The following DYNLT2 variants were observed in gnomAD, a reference collection of about 807,000 sequenced individuals.
The protein encoded by DYNLT2 is dynein light chain Tctex-type 2.
A neutral mutation model predicts 24.3 loss-of-function variants in DYNLT2; 24 were observed. That is an observed-to-expected ratio of 0.99 (90% CI 0.71 to 1.39). DYNLT2 has a LOEUF of 1.39. Ranked by LOEUF, DYNLT2 falls within the 40% of genes most tolerant of loss-of-function variation. DYNLT2 has a pLI of 0.00. For synonymous variants in DYNLT2, 85 were observed against 85.4 expected (o/e 1.00, Z 0.03); for missense variants, 246 against 234.5 (o/e 1.05, Z -0.32).
At position 169,751,450 on chromosome 6, in the gene DYNLT2, C is replaced by T. The variant is rs980655440; in HGVS notation, c.9G>A (p.Lys3=). 1.2e-6 allele frequency: 2 copies of T among 1,613,976 alleles called. No homozygotes were observed. The highest frequency in any genetic ancestry group is 2.7e-5 in the African/African-American group (2 of 75,074). The change falls in exon 1 of 4, where the codon AAG becomes AAA. Residue 3 remains lysine, a synonymous_variant. Coordinates refer to ENST00000366774, the MANE Select transcript of DYNLT2 (RefSeq NM_174910.3). ME[K]RGRGVKSSPI... ...GGCTCGACTTCACGCCTCGGCCTCG[C>T]TTCTCCATCTCGCTCTGTTCTCCAA...
the DYNLT2 span, among the ~76,000 whole-genome samples, chr6:169,732,606 A>T: frequency 6.6e-6 from 1 of 152,202 alleles, no homozygotes; most frequent in African/African-American, 2.4e-5. Context: ...CCTGCAAAGG[A>T]CATGATCTCA....
chr6:169,743,232 G>T lies in DYNLT2; in HGVS notation c.334C>A (p.Leu112Ile). ...TTATCATCATATTTGACATCTTTAA[G>T]ACTTTCCTTTAAGAAAATTTAAGAA... ...TKVQQILTESLKDVKYDDKVF... is the reference protein window; with the variant it reads ...TKVQQILTESIKDVKYDDKVF... Residue 112 changes from leucine to isoleucine, a missense_variant, in exon 3 of 4, where the codon CTT (leucine) becomes ATT (isoleucine). Coordinates refer to ENST00000366774, the MANE Select transcript of DYNLT2 (RefSeq NM_174910.3). The T allele has an allele frequency of 6.8e-7, 1 of 1,462,738 alleles. No homozygotes were observed. Among genetic ancestry groups the T allele is most frequent in the Non-Finnish European group, 9.1e-7 (1 of 1,096,114 alleles). 90.6% of individuals were successfully genotyped at this position (1,462,738 alleles called of 1,614,324 possible).
intron 3 of DYNLT2, among the ~76,000 whole-genome samples, chr6:169,741,537 A>G (rs1316158307): frequency 6.6e-6 from 1 of 152,182 alleles, no homozygotes; most frequent in Non-Finnish European, 1.5e-5. Flanking sequence ...CTGTTGTTAT[A>G]AGATACTCAG....
chr6:169,743,673 C>T, intron 2 of DYNLT2, among the ~76,000 whole-genome samples: 1 of 152,128 alleles, frequency 6.6e-6, no homozygotes, highest in East Asian at 1.9e-4. Context: ...AAGTCACTGC[C>T]CTGCTCAGTG....
rs1790078332 is a variant in DYNLT2, at chr6:169,751,550, C to T, written c.-92G>A. On this transcript the variant is annotated 5_prime_UTR_variant, in exon 1 of 4. Coordinates refer to ENST00000366774, the MANE Select transcript of DYNLT2 (RefSeq NM_174910.3). ...TCCCGCGAGGGCGGAAGTCTCCCAC[C>T]TGCGCCTCGTACGGTAGGAAGTGCC... 4 of 1,610,740 alleles carry T rather than the reference C, an allele frequency of 2.5e-6. No individual in the cohort carries two copies. The highest frequency in any genetic ancestry group is 3.4e-5 in the Admixed American group (2 of 59,464).
downstream of DYNLT2, among the ~76,000 whole-genome samples, chr6:169,737,304 A>T (rs558575225): frequency 2.0e-5 from 3 of 152,242 alleles, no homozygotes; most frequent in Non-Finnish European, 2.9e-5. Context: ...ACATCTTCTG[A>T]AGTCTACTTC....
intron 1 of DYNLT2, among the ~76,000 whole-genome samples, chr6:169,744,781 T>G (rs770422440): frequency 6.6e-6 from 1 of 152,238 alleles, no homozygotes; most frequent in Non-Finnish European, 1.5e-5. Flanking sequence ...AAAAGAGCAT[T>G]GATTTGATAT....
chr6:169,744,746 G>T (rs78922157), intron 1 of DYNLT2, among the ~76,000 whole-genome samples: 1 of 150,192 alleles, frequency 6.7e-6, no homozygotes, highest in South Asian at 2.1e-4. Flanking sequence ...TAGCACATTC[G>T]TAAGTCTTAA....
intron 3 of DYNLT2, among the ~76,000 whole-genome samples, chr6:169,742,546 A>G (rs1789701065): frequency 6.6e-6 from 1 of 152,224 alleles, no homozygotes; most frequent in Non-Finnish European, 1.5e-5. Context: ...GATATGATCA[A>G]GGAACAGAAT....
At chr6:169,727,620 G>C in the DYNLT2 span, among the ~76,000 whole-genome samples, 2 of 152,012 alleles carry the variant, frequency 1.3e-5, no homozygotes. Context: ...TTGGAGTGCA[G>C]TGGCCTGATC....
chr6:169,725,256 A>G, the DYNLT2 span: 1 of 398,702 alleles, frequency 2.5e-6, no homozygotes, highest in Non-Finnish European at 4.4e-6. Context: ...TGTTCTGGAG[A>G]GTAGAGAATG....
At chr6:169,733,753 TG>T in the DYNLT2 span, among the ~76,000 whole-genome samples, 1 of 152,240 alleles carries the variant, frequency 6.6e-6, no homozygotes, top group Non-Finnish European at 1.5e-5. Context: ...TGCTTAGGAT[TG>T]TCTTGGCTAT....
chr6:169,737,641 T>C (rs1436257300), downstream of DYNLT2, among the ~76,000 whole-genome samples: 1 of 152,158 alleles, frequency 6.6e-6, no homozygotes, highest in Non-Finnish European at 1.5e-5. Context: ...TACCTGGAGA[T>C]GTCACTCAAG....
rs116683807 is a variant in DYNLT2 at position 169,748,222 on chromosome 6, T to C, written c.120+3117A>G. On this transcript the variant is annotated intron_variant, in intron 1 of 3. Coordinates refer to ENST00000366774, the MANE Select transcript of DYNLT2 (RefSeq NM_174910.3). ...ATTCTGGGAAACCCTCTGTAGGTCT[T>C]TGGGGCGGTTTGTGCATCCCTGTCT... Among the ~76,000 whole-genome samples, 1,054 of 152,258 alleles carry C rather than the reference T, an allele frequency of 6.9e-3. 12 individuals carry two copies. Among genetic ancestry groups the C allele is most frequent in the African/African-American group, 0.024 (1,003 of 41,528 alleles).
At position 169,740,238 on chromosome 6, in the gene DYNLT2, C is replaced by A; in HGVS notation, c.544G>T (p.Glu182Ter). 6.2e-7 allele frequency: 1 copy of A among 1,614,072 alleles called. No homozygotes were observed. Among genetic ancestry groups the A allele is most frequent in the South Asian group, 1.1e-5 (1 of 91,064 alleles). Residue 182 changes from glutamate to a stop codon, truncating the protein, a stop_gained, in exon 4 of 4, where the codon GAA becomes TAA. Transcript: ENST00000366774. LOFTEE classifies it high-confidence loss of function. ...AWDSWVAAKH[E>*]AESYVALVLV... The stretch of plus-strand genomic sequence containing the variant: ...ACCAGTGCCACGTAGGATTCTGCTT[C>A]GTGTTTAGCTGCGACCCAGCTGTCC...
the DYNLT2 span, among the ~76,000 whole-genome samples, chr6:169,728,493 C>G: frequency 6.6e-6 from 1 of 152,178 alleles, no homozygotes; most frequent in African/African-American, 2.4e-5. Context: ...ACAGCCAGTC[C>G]TAGCTTGGCA....
At chr6:169,747,721 C>A (rs1393968887) in intron 1 of DYNLT2, among the ~76,000 whole-genome samples, 1 of 152,184 alleles carries the variant, frequency 6.6e-6, no homozygotes, top group Non-Finnish European at 1.5e-5. Context: ...ACTCTCTTAA[C>A]TACTTTAATG....
At chr6:169,727,397 A>C in the DYNLT2 span, among the ~76,000 whole-genome samples, 1 of 152,172 alleles carries the variant, frequency 6.6e-6, no homozygotes, top group African/African-American at 2.4e-5. Flanking sequence ...ATGATTGAGC[A>C]GAGAGAGGAA....
the DYNLT2 span, among the ~76,000 whole-genome samples, chr6:169,734,100 A>G: frequency 6.6e-6 from 1 of 152,194 alleles, no homozygotes; most frequent in South Asian, 2.1e-4. Context: ...TTGTTGGTGT[A>G]AAGGAAAGCT....
Sources: allele counts gnomAD v4.1 joint callset (sites outside exome capture counted in the v4.1 genomes callset), GRCh38; gene constraint gnomAD v4.1.1; transcripts MANE v1.5; gene names NCBI Gene and HGNC (gene_info 2026-07-23, HGNC 2026-07-21).